Variants in BTRC observed in about 807,000 individuals in gnomAD.
The protein encoded by BTRC is F-box/WD repeat-containing protein 1A.
BTRC carries 42 observed loss-of-function variants against 85.5 expected under a neutral mutation model. That is an observed-to-expected ratio of 0.49 (90% CI 0.38 to 0.64). The LOEUF (loss-of-function observed/expected upper bound fraction) is 0.64. Ranked by LOEUF, BTRC falls within the 30% of genes least tolerant of loss-of-function variation. The probability of loss-of-function intolerance (pLI) is 0.00; values close to 1 mark genes in which losing one functional copy is unlikely to be tolerated. For missense variants in BTRC, 594 were observed against 743.5 expected (o/e 0.80, Z 2.34); for synonymous variants, 255 against 263.3 (o/e 0.97, Z 0.30).
At chr10:101,438,297 C>A (rs11191011) in intron 2 of BTRC, among the ~76,000 whole-genome samples, 55,346 of 151,040 alleles carry the variant, frequency 0.37, 11,271 homozygotes, top group Middle Eastern at 0.48. Flanking sequence ...TGGTGGTGGG[C>A]GCCTGTAGTC....
intron 1 of BTRC, chr10:101,364,966 G>T (rs1006462126): frequency 6.6e-6 from 1 of 151,790 alleles, no homozygotes; most frequent in African/African-American, 2.4e-5. Flanking sequence ...TCAGATAGAG[G>T]ACATATCAGA....
intron 1 of BTRC, among the ~76,000 whole-genome samples, chr10:101,411,723 T>C (rs1225392570): frequency 6.6e-6 from 1 of 152,214 alleles, no homozygotes; most frequent in Non-Finnish European, 1.5e-5. Flanking sequence ...AGTTTTTTTC[T>C]GGGTCTGCTT....
In BTRC at chr10:101,475,953, A is replaced by ATATATATATT. The variant is rs1265691229; in HGVS notation, c.235-3414_235-3413insATATATATTT. On this transcript the variant is annotated intron_variant, in intron 3 of 14. Transcript: ENST00000370187. ...TATATATATATATATATATATATATATTCAGTAATTCCTAAGGGGAAAATA... is the reference window on the plus strand; with the variant it reads ...TATATATATATATATATATATATATATATATATATTTTCAGTAATTCCTAAGGGGAAAATA... Among the ~76,000 whole-genome samples, 145 of 133,718 alleles carry ATATATATATT rather than the reference A, an allele frequency of 1.1e-3. 4 individuals carry two copies. Among genetic ancestry groups the ATATATATATT allele is most frequent in the Middle Eastern group, 3.8e-3 (1 of 264 alleles). The allele number at this position is 133,718 out of a possible 152,430, so 87.7% of individuals were successfully genotyped here.
intron 1 of BTRC, among the ~76,000 whole-genome samples, chr10:101,393,871 A>G (rs1943298136): frequency 6.6e-6 from 1 of 152,092 alleles, no homozygotes; most frequent in Non-Finnish European, 1.5e-5. Flanking sequence ...GTCTTTTCTC[A>G]TTTTCTCTCC....
intron 2 of BTRC, among the ~76,000 whole-genome samples, chr10:101,433,963 A>C (rs980978924): frequency 1.8e-4 from 27 of 152,322 alleles, no homozygotes; most frequent in African/African-American, 6.3e-4. Flanking sequence ...TTAAGAAAAA[A>C]AAATTAAATA....
intron 2 of BTRC, among the ~76,000 whole-genome samples, chr10:101,451,181 G>A (rs1944946399): frequency 6.6e-6 from 1 of 152,152 alleles, no homozygotes; most frequent in Admixed American, 6.5e-5. Flanking sequence ...TAATCAGGTA[G>A]CAGTATTAAA....
chr10:101,366,327 G>C (rs1172829106), intron 1 of BTRC, among the ~76,000 whole-genome samples: 1 of 151,990 alleles, frequency 6.6e-6, no homozygotes, highest in Non-Finnish European at 1.5e-5. Flanking sequence ...CATTATGGGG[G>C]CAGAGGGGGG....
intron 1 of BTRC, among the ~76,000 whole-genome samples, chr10:101,361,190 T>A (rs1942195471): frequency 6.6e-6 from 1 of 152,118 alleles, no homozygotes; most frequent in Non-Finnish European, 1.5e-5. Flanking sequence ...CACTGCAACC[T>A]CAGCTTCCTG....
chr10:101,501,208 A>G (rs962058567), intron 4 of BTRC, among the ~76,000 whole-genome samples: 7 of 151,966 alleles, frequency 4.6e-5, no homozygotes, highest in Admixed American at 1.3e-4. Flanking sequence ...AAAGAGGTGT[A>G]TGCTTAAACG....
chr10:101,524,640 A>G (rs2062164255), intron 5 of BTRC, among the ~76,000 whole-genome samples: 1 of 152,210 alleles, frequency 6.6e-6, no homozygotes. Flanking sequence ...ATCAGGAACA[A>G]TTTGATGGCA....
intron 2 of BTRC, among the ~76,000 whole-genome samples, chr10:101,455,896 C>T (rs1280188199): frequency 6.6e-6 from 1 of 151,312 alleles, no homozygotes; most frequent in Non-Finnish European, 1.5e-5. Context: ...AATCCCAGGA[C>T]TTTGGGAGGC....
chr10:101,505,180 T>TG (rs1946501338), intron 4 of BTRC, among the ~76,000 whole-genome samples: 1 of 145,480 alleles, frequency 6.9e-6, no homozygotes, highest in Admixed American at 6.9e-5. Flanking sequence ...TATATATATT[T>TG]TTTAGTAGAC....
At chr10:101,504,170 C>T (rs1946459184) in intron 4 of BTRC, among the ~76,000 whole-genome samples, 1 of 152,164 alleles carries the variant, frequency 6.6e-6, no homozygotes, top group African/African-American at 2.4e-5. Flanking sequence ...GAACAACCTC[C>T]ACCTGAGGAA....
At chr10:101,356,222 A>T (rs1461766669) in intron 1 of BTRC, among the ~76,000 whole-genome samples, 1 of 152,064 alleles carries the variant, frequency 6.6e-6, no homozygotes, top group Non-Finnish European at 1.5e-5. Context: ...GGATGGTCTC[A>T]TCTCCTGACC....
At chr10:101,420,968 C>T (rs1034218417) in intron 1 of BTRC, among the ~76,000 whole-genome samples, 1 of 150,230 alleles carries the variant, frequency 6.7e-6, no homozygotes, top group African/African-American at 2.5e-5. Flanking sequence ...CAGGTTTATA[C>T]TCATATTTTC....
intron 2 of BTRC, among the ~76,000 whole-genome samples, chr10:101,440,013 T>C (rs947458633): frequency 1.3e-5 from 2 of 152,222 alleles, no homozygotes; most frequent in African/African-American, 4.8e-5. Flanking sequence ...TAGAAGACTT[T>C]AAAATTTGGG....
chr10:101,361,976 C>T (rs1207389068), intron 1 of BTRC, among the ~76,000 whole-genome samples: 1 of 152,006 alleles, frequency 6.6e-6, no homozygotes, highest in Non-Finnish European at 1.5e-5. Context: ...TTTTCTTCCC[C>T]CTTGAGACGG....
intron 7 of BTRC, 73 bp from the exon 8 acceptor site, chr10:101,532,222 G>A: frequency 2.0e-6 from 3 of 1,484,688 alleles, no homozygotes; most frequent in Non-Finnish European, 2.7e-6. Context: ...GCCATTGATT[G>A]TCATTAAAGC....
intron 4 of BTRC, among the ~76,000 whole-genome samples, chr10:101,497,575 G>A (rs1946294386): frequency 6.6e-6 from 1 of 152,068 alleles, no homozygotes; most frequent in Non-Finnish European, 1.5e-5. Flanking sequence ...GCATGGTGGT[G>A]CGCACCTGTA....
Sources: gnomAD v4.1 joint callset for allele counts (sites outside exome capture counted in the v4.1 genomes callset) on GRCh38, gnomAD v4.1.1 for gene constraint, MANE v1.5 for transcripts, NCBI Gene and HGNC (gene_info 2026-07-23, HGNC 2026-07-21) for gene names.